Variants in GJC2 observed in about 807,000 individuals in gnomAD.
GJC2 encodes gap junction gamma-2 protein.
For synonymous variants in GJC2, 336 were observed against 307.5 expected, an observed-to-expected ratio of 1.09 and a Z score of -0.97; for missense variants, 647 against 648.9, an observed-to-expected ratio of 1.00 and a Z score of 0.03.
At position 228,158,845 on chromosome 1, in the gene GJC2, G is replaced by T. The variant is rs1427200909; in HGVS notation, c.1087G>T (p.Ala363Ser). 2 of 1,471,840 alleles carry T rather than the reference G, an allele frequency of 1.4e-6. No homozygotes were observed. Among genetic ancestry groups the T allele is most frequent in the Admixed American group, 2.3e-5 (1 of 43,246 alleles). The allele number at this position is 1,471,840 out of a possible 1,614,324, so 91.2% of individuals were successfully genotyped here. ...CCTGCAGGCGCTGCGCGACGGGGCAGCGGCTGGGGACCGCGACCGGGACAG... is the reference window on the plus strand; with the variant it reads ...CCTGCAGGCGCTGCGCGACGGGGCATCGGCTGGGGACCGCGACCGGGACAG... ...LALQALRDGA[A>S]AGDRDRDSSP... Residue 363 changes from alanine to serine, a missense_variant, in exon 2 of 2, where the codon GCG (alanine) becomes TCG (serine). Ala to Ser is a moderately conservative substitution (Grantham distance 99). Transcript: ENST00000366714. The surrounding 1 kb of genome is among the most constrained non-coding windows in gnomAD (Gnocchi z 8.3).
chr1:228,159,043 A>G lies in GJC2; in HGVS notation c.1285A>G (p.Ser429Gly). Residue 429 changes from serine to glycine, a missense_variant, in exon 2 of 2, where the codon AGC becomes GGC. Physicochemically the swap from Ser to Gly is moderately conservative, Grantham distance 56 (BLOSUM62 0). Coordinates refer to ENST00000366714, the MANE Select transcript of GJC2 (RefSeq NM_020435.4). The surrounding 1 kb of genome is among the most constrained non-coding windows in gnomAD (Gnocchi z 4.0). ...PRAGSEKGSA[S>G]SRDGKTTVWI ...GGCTGGCTCCGAGAAGGGCAGTGCC[A>G]GCAGCAGGGACGGGAAGACCACCGT... is the stretch of plus-strand genomic sequence containing the variant. 1 of 1,610,318 alleles carries G rather than the reference A, an allele frequency of 6.2e-7. No individual in the cohort carries two copies. Among genetic ancestry groups the G allele is most frequent in the Non-Finnish European group, 8.5e-7 (1 of 1,179,668 alleles).
chr1:228,159,209 G>C lies in GJC2; in HGVS notation c.*131G>C. 1 of 1,084,458 alleles carries C rather than the reference G, an allele frequency of 9.2e-7. No individual in the cohort carries two copies. The highest frequency in any genetic ancestry group is 1.3e-6 in the Non-Finnish European group (1 of 747,852). The allele number at this position is 1,084,458 out of a possible 1,614,324, so 67.2% of individuals were successfully genotyped here. On this transcript the variant is annotated 3_prime_UTR_variant, in exon 2 of 2. Coordinates refer to ENST00000366714, the MANE Select transcript of GJC2 (RefSeq NM_020435.4). The surrounding 1 kb of genome is among the most constrained non-coding windows in gnomAD (Gnocchi z 4.0). ...CAGACTCTGCCCAGAGGGGCAGCCA[G>C]GCTGCTCAGGGAAGGGGCTGAAAGC... is the stretch of plus-strand genomic sequence containing the variant.
chr1:228,158,662 C>G lies in GJC2; in HGVS notation c.904C>G (p.Arg302Gly). 2.1e-6 allele frequency: 3 copies of G among 1,454,206 alleles called. No homozygotes were observed. The highest frequency in any genetic ancestry group is 2.7e-6 in the Non-Finnish European group (3 of 1,092,810). 90.1% of individuals were successfully genotyped at this position (1,454,206 alleles called of 1,614,324 possible). The change falls in exon 2 of 2, where the codon CGC becomes GGC. Residue 302 changes from arginine to glycine, a missense_variant. Arg to Gly is a moderately radical substitution (Grantham distance 125, BLOSUM62 -2). Coordinates refer to ENST00000366714, the MANE Select transcript of GJC2 (RefSeq NM_020435.4). The surrounding 1 kb of genome is among the most constrained non-coding windows in gnomAD (Gnocchi z 8.3). The part of the protein sequence containing the change: ...GSAQDAVRGR[R>G]GPPASAPAPA... The stretch of plus-strand genomic sequence containing the variant: ...CGCGCAGGACGCGGTGCGCGGCCGC[C>G]GCGGCCCCCCGGCCTCCGCCCCCGC...
At position 228,158,293 on chromosome 1, in the gene GJC2, A is replaced by G. The variant is rs2034715436; in HGVS notation, c.535A>G (p.Thr179Ala). The G allele has an allele frequency of 6.5e-7, 1 of 1,538,138 alleles. No homozygotes were observed. Among genetic ancestry groups the G allele is most frequent in the Non-Finnish European group, 8.7e-7 (1 of 1,144,676 alleles). Residue 179 changes from threonine (T) to alanine (A), a missense_variant, in exon 2 of 2, where the codon ACT (threonine) becomes GCT (alanine). Physicochemically the swap from Thr to Ala is moderately conservative, Grantham distance 58. Coordinates refer to ENST00000366714, the MANE Select transcript of GJC2 (RefSeq NM_020435.4). This position sits in a 1 kb window ranked among gnomAD's most constrained non-coding sequence, Gnocchi z 8.3. ...GGAGGCAGGCGCGGAGGAGGCGTGC[A>G]CTAAGGCGGTCGGCGCTGACGGCAA... ...AEEAGAEEAC[T>A]KAVGADGKAA...
At chr1:228,153,769 G>T (rs889103278) in intron 1 of GJC2, among the ~76,000 whole-genome samples, 3 of 151,754 alleles carry the variant, frequency 2.0e-5, no homozygotes, top group Admixed American at 6.6e-5. Context: ...TTATAGTAGA[G>T]ATGGGGTTTC....
chr1:228,157,678 G>C (rs2034702303), intron 1 of GJC2, 62 bp from the exon 2 acceptor site: 4 of 953,718 alleles, frequency 4.2e-6, no homozygotes, highest in Non-Finnish European at 6.2e-6. Context: ...CTGGAGCCCC[G>C]GCTCTGAGCG....
At position 228,152,470 on chromosome 1, in the gene GJC2, G is replaced by A. The variant is rs970520642; in HGVS notation, c.-20+2463G>A. On this transcript the variant is annotated intron_variant, in intron 1 of 1. Coordinates refer to ENST00000366714, the MANE Select transcript of GJC2 (RefSeq NM_020435.4). The surrounding 1 kb of genome is among the most constrained non-coding windows in gnomAD (Gnocchi z 7.3). ...CTCTGACCGGTGTCCTGAGATACCA[G>A]GACACCAGGACACTGGTCAGAGCTG... is the stretch of plus-strand genomic sequence containing the variant. 3.3e-5 allele frequency among the ~76,000 whole-genome samples: 5 copies of A among 152,086 alleles called. No individual in the cohort carries two copies. Among genetic ancestry groups the A allele is most frequent in the African/African-American group, 9.7e-5 (4 of 41,406 alleles).
rs757481205 is a variant in GJC2, at chr1:228,157,932, G to A, written c.174G>A (p.Thr58=). The change falls in exon 2 of 2, where the codon ACG becomes ACA. Residue 58 remains threonine (T), a synonymous_variant. Transcript: ENST00000366714. ...SDEQAKFTCN[T]RQPGCDNVCY... is the part of the protein sequence containing the mutation. Reference sequence around the variant, plus strand: ...AGCAGGCCAAGTTCACTTGCAACACGCGGCAGCCAGGCTGCGACAACGTCT... The same window carrying A: ...AGCAGGCCAAGTTCACTTGCAACACACGGCAGCCAGGCTGCGACAACGTCT... 4.3e-6 allele frequency: 7 copies of A among 1,612,662 alleles called. No individual in the cohort carries two copies. The highest frequency in any genetic ancestry group is 3.3e-5 in the Admixed American group (2 of 59,982).
At position 228,150,482 on chromosome 1, in the gene GJC2, C is replaced by T. The variant is rs1370455619; in HGVS notation, c.-20+475C>T. Among the ~76,000 whole-genome samples the T allele has an allele frequency of 1.3e-5, 2 of 152,170 alleles. No individual in the cohort carries two copies. Among genetic ancestry groups the T allele is most frequent in the African/African-American group, 2.4e-5 (1 of 41,442 alleles). On this transcript the variant is annotated intron_variant, in intron 1 of 1. Transcript: ENST00000366714. The surrounding 1 kb of genome is among the most constrained non-coding windows in gnomAD (Gnocchi z 4.6). ...GACAGACCTGGGGCCCTGCTCAGTC[C>T]CCTCCATAGAAGGCCACAAGCCACT...
rs556306468 is a variant in GJC2, at chr1:228,150,484, C to G, written c.-20+477C>G. ...CAGACCTGGGGCCCTGCTCAGTCCCCTCCATAGAAGGCCACAAGCCACTAA... is the reference window on the plus strand; with the variant it reads ...CAGACCTGGGGCCCTGCTCAGTCCCGTCCATAGAAGGCCACAAGCCACTAA... On this transcript the variant is annotated intron_variant, in intron 1 of 1. Transcript: ENST00000366714. The surrounding 1 kb of genome is among the most constrained non-coding windows in gnomAD (Gnocchi z 4.6). Among the ~76,000 whole-genome samples the G allele has an allele frequency of 5.9e-5, 9 of 152,294 alleles. No homozygotes were observed. The highest frequency in any genetic ancestry group is 2.2e-4 in the African/African-American group (9 of 41,568).
chr1:228,157,825 G>A lies in GJC2; in HGVS notation c.67G>A (p.Val23Met). The A allele has an allele frequency of 6.7e-7, 1 of 1,497,594 alleles. No individual in the cohort carries two copies. The highest frequency in any genetic ancestry group is 9.0e-7 in the Non-Finnish European group (1 of 1,115,694). The allele number at this position is 1,497,594 out of a possible 1,614,324, so 92.8% of individuals were successfully genotyped here. Reference sequence around the variant, plus strand: ...GGAGATCCACAACCACTCCACCTTCGTGGGCAAGGTGTGGCTCACGGTGCT... The same window carrying A: ...GGAGATCCACAACCACTCCACCTTCATGGGCAAGGTGTGGCTCACGGTGCT... ...LEEIHNHSTF[V>M]GKVWLTVLVV... Residue 23 changes from valine (V) to methionine (M), a missense_variant, in exon 2 of 2, where the codon GTG becomes ATG. Physicochemically the swap from Val to Met is conservative, Grantham distance 21 (BLOSUM62 1). Coordinates refer to ENST00000366714, the MANE Select transcript of GJC2 (RefSeq NM_020435.4).
chr1:228,157,529 T>C (rs1052301318), intron 1 of GJC2, among the ~76,000 whole-genome samples: 2 of 152,150 alleles, frequency 1.3e-5, no homozygotes, highest in Non-Finnish European at 2.9e-5. Flanking sequence ...ATCTGCCTCA[T>C]GAAGGCAACT....
chr1:228,153,745 G>C (rs941292573), intron 1 of GJC2, among the ~76,000 whole-genome samples: 22 of 151,548 alleles, frequency 1.5e-4, no homozygotes, highest in Non-Finnish European at 3.1e-4. Context: ...ACCACGCCCG[G>C]CTAATTTTTG....
In GJC2 at chr1:228,158,489, C is replaced by T. The variant is rs1436403763; in HGVS notation, c.731C>T (p.Pro244Leu). Residue 244 changes from proline to leucine, a missense_variant, in exon 2 of 2, where the codon CCC becomes CTC. Pro to Leu is a moderately conservative substitution (Grantham distance 98, BLOSUM62 -3). Transcript: ENST00000366714. This position sits in a 1 kb window ranked among gnomAD's most constrained non-coding sequence, Gnocchi z 8.3. ...LYGFEVRPFFPCSRQPCPHVV... is the reference protein window; with the variant it reads ...LYGFEVRPFFLCSRQPCPHVV... Reference sequence around the variant, plus strand: ...GGCTTCGAGGTGCGACCGTTCTTTCCCTGCAGCCGCCAGCCCTGCCCGCAC... The same window carrying T: ...GGCTTCGAGGTGCGACCGTTCTTTCTCTGCAGCCGCCAGCCCTGCCCGCAC... 2 of 1,612,422 alleles carry T rather than the reference C, an allele frequency of 1.2e-6. No individual in the cohort carries two copies. The highest frequency in any genetic ancestry group is 1.1e-5 in the South Asian group (1 of 91,088).
chr1:228,158,228 A>G lies in GJC2; in HGVS notation c.470A>G (p.Glu157Gly). 1 of 1,503,044 alleles carries G rather than the reference A, an allele frequency of 6.7e-7. No individual in the cohort carries two copies. The highest frequency in any genetic ancestry group is 8.9e-7 in the Non-Finnish European group (1 of 1,129,870). 93.1% of individuals were successfully genotyped at this position (1,503,044 alleles called of 1,614,324 possible). The change falls in exon 2 of 2, where the codon GAG becomes GGG. Residue 157 changes from glutamate to glycine, a missense_variant. Glu to Gly is a moderately conservative substitution (Grantham distance 98). Transcript: ENST00000366714. The surrounding 1 kb of genome is among the most constrained non-coding windows in gnomAD (Gnocchi z 8.3). ...MLGLGEEEEE[E>G]ETGAAEGAGE... is the part of the protein sequence containing the mutation. ...GGCCTGGGCGAGGAGGAGGAGGAGGAGGAGACGGGGGCAGCCGAGGGCGCC... is the reference window on the plus strand; with the variant it reads ...GGCCTGGGCGAGGAGGAGGAGGAGGGGGAGACGGGGGCAGCCGAGGGCGCC...
At position 228,158,682 on chromosome 1, in the gene GJC2, C is replaced by T; in HGVS notation, c.924C>T (p.Ala308=). The part of the protein sequence containing the change: ...VRGRRGPPAS[A]PAPAPRPPPC... ...GCCGCCGCGGCCCCCCGGCCTCCGC[C>T]CCCGCCCCCGCGCCGCGGCCCCCGC... Residue 308 remains alanine (A), a synonymous_variant, in exon 2 of 2, where the codon GCC becomes GCT. Coordinates refer to ENST00000366714, the MANE Select transcript of GJC2 (RefSeq NM_020435.4). This position sits in a 1 kb window ranked among gnomAD's most constrained non-coding sequence, Gnocchi z 8.3. 1 of 1,075,594 alleles carries T rather than the reference C, an allele frequency of 9.3e-7. No homozygotes were observed. Among genetic ancestry groups the T allele is most frequent in the Non-Finnish European group, 1.1e-6 (1 of 887,812 alleles). The allele number at this position is 1,075,594 out of a possible 1,614,324, so 66.6% of individuals were successfully genotyped here. A position where few individuals can be genotyped will look rare whatever the true frequency, so the allele number is the denominator to read the frequency against.
In GJC2 at chr1:228,153,203, A is replaced by T. The variant is rs1196917505; in HGVS notation, c.-20+3196A>T. ...GCCTCTCTATCATGGTCCTTTCTTT[A>T]AGTAGGGGTTTATTTTACAGCACTT... is the stretch of plus-strand genomic sequence containing the variant. On this transcript the variant is annotated intron_variant, in intron 1 of 1. Coordinates refer to ENST00000366714, the MANE Select transcript of GJC2 (RefSeq NM_020435.4). Among the ~76,000 whole-genome samples the T allele has an allele frequency of 2.0e-5, 3 of 151,746 alleles. No individual in the cohort carries two copies. The East Asian group carries it at 5.8e-4, about 30-fold the overall frequency.
chr1:228,158,960 G>T lies in GJC2; in HGVS notation c.1202G>T (p.Gly401Val). 1 of 1,583,204 alleles carries T rather than the reference G, an allele frequency of 6.3e-7. No individual in the cohort carries two copies. The highest frequency in any genetic ancestry group is 1.1e-5 in the South Asian group (1 of 88,714). Residue 401 changes from glycine to valine, a missense_variant, in exon 2 of 2, where the codon GGC becomes GTC. Transcript: ENST00000366714. The surrounding 1 kb of genome is among the most constrained non-coding windows in gnomAD (Gnocchi z 8.3). The part of the protein sequence containing the change: ...ASRTGSATSA[G>V]TVGEQGRPGT... ...CGGACGGGCAGTGCTACCTCTGCGG[G>T]CACTGTCGGGGAGCAGGGCCGGCCC...
rs1456637948 is a variant in GJC2 at position 228,151,403 on chromosome 1, G to A, written c.-20+1396G>A. ...CAGGCCATGTAAGGGGAGCCACCAT[G>A]TGGGCAGGCACTTGGGGTCTTGGTG... On this transcript the variant is annotated intron_variant, in intron 1 of 1. Transcript: ENST00000366714. This position sits in a 1 kb window ranked among gnomAD's most constrained non-coding sequence, Gnocchi z 5.4. Among the ~76,000 whole-genome samples the A allele has an allele frequency of 6.6e-6, 1 of 152,020 alleles. No homozygotes were observed. The highest frequency in any genetic ancestry group is 1.5e-5 in the Non-Finnish European group (1 of 67,996).
Sources: gnomAD v4.1 joint callset for allele counts (sites outside exome capture counted in the v4.1 genomes callset) on GRCh38, gnomAD v4.1.1 for gene constraint, Gnocchi (gnomAD v3.1) non-coding constraint, MANE v1.5 for transcripts, NCBI Gene and HGNC (gene_info 2026-07-23, HGNC 2026-07-21) for gene names.